The following NRXN2 variants were observed in gnomAD, a reference collection of about 807,000 sequenced individuals.
The protein encoded by NRXN2 is neurexin-2-beta.
In NRXN2, 29 loss-of-function variants were observed where a neutral mutation model predicts 128.8. The observed-to-expected ratio is 0.23, with a 90% CI of 0.17 to 0.31. NRXN2 has a LOEUF of 0.31. NRXN2 is among the 10% of genes least tolerant of loss of function. NRXN2 has a pLI of 1.00. For missense variants in NRXN2, 1,881 were observed against 2,452.6 expected (o/e 0.77, Z 4.92); for synonymous variants, 1,098 against 1,075.2 (o/e 1.02, Z -0.41).
Position 64,667,923 on chromosome 11 carries a change from G to A in NRXN2, c.1360-235C>T, listed in dbSNP as rs778307660. On this transcript the variant is annotated intron_variant, in intron 8 of 22. Transcript: ENST00000265459. The surrounding 1 kb of genome is among the most constrained non-coding windows in gnomAD (Gnocchi z 5.6). ...CTTCTGGCCCAGCAGGAGCATGGTGGCTTGCCTGTGGGTTCTCAGTGCCCA... is the reference window on the plus strand; with the variant it reads ...CTTCTGGCCCAGCAGGAGCATGGTGACTTGCCTGTGGGTTCTCAGTGCCCA... Among the ~76,000 whole-genome samples, 1 of 152,126 alleles carries A rather than the reference G, an allele frequency of 6.6e-6. No individual in the cohort carries two copies. The highest frequency in any genetic ancestry group is 1.5e-5 in the Non-Finnish European group (1 of 68,046).
At chr11:64,659,583 AT>A (rs1341823564) in intron 11 of NRXN2, 1 of 152,620 alleles carries the variant, frequency 6.6e-6, no homozygotes, top group Non-Finnish European at 1.5e-5. Context: ...AAAGCACTGA[AT>A]TTTAAGGCAA....
chr11:64,722,697 T>C, intron 1 of NRXN2, among the ~76,000 whole-genome samples: 1 of 100,464 alleles, frequency 1.0e-5, no homozygotes. Context: ...ATGCCCCTCC[T>C]CTCTCCATCC....
At chr11:64,668,978 G>A (rs1031157467) in intron 7 of NRXN2, among the ~76,000 whole-genome samples, 1 of 152,054 alleles carries the variant, frequency 6.6e-6, no homozygotes, top group Non-Finnish European at 1.5e-5. Flanking sequence ...GGGTGCAAAT[G>A]GCATCCTCAC....
At chr11:64,712,057 A>T (rs951702125) in intron 2 of NRXN2, among the ~76,000 whole-genome samples, 2 of 152,206 alleles carry the variant, frequency 1.3e-5, no homozygotes, top group African/African-American at 2.4e-5. Flanking sequence ...GGACCTTCAA[A>T]GACTGCGACC....
Position 64,630,409 on chromosome 11 carries a change from G to C in NRXN2, c.3750C>G (p.Tyr1250Ter). ...QVDSWPVNER[Y>*]PAGNFDNERL... is the part of the protein sequence containing the mutation. ...CGGGCCCGCGCCGCCTACCTGCCGG[G>C]TACCGCTCGTTGACCGGCCAGCTGT... The change falls in exon 19 of 23, where the codon TAC becomes TAG. Residue 1250 changes from tyrosine to a stop codon, truncating the protein, a stop_gained. Transcript: ENST00000265459. LOFTEE classifies it high-confidence loss of function. This position sits in a 1 kb window ranked among gnomAD's most constrained non-coding sequence, Gnocchi z 4.6. 6.2e-7 allele frequency: 1 copy of C among 1,611,604 alleles called. No individual in the cohort carries two copies. Among genetic ancestry groups the C allele is most frequent in the Non-Finnish European group, 8.5e-7 (1 of 1,179,398 alleles).
intron 2 of NRXN2, among the ~76,000 whole-genome samples, chr11:64,702,131 G>T (rs1384648267): frequency 2.2e-5 from 3 of 135,330 alleles, no homozygotes; most frequent in African/African-American, 8.6e-5. Context: ...AGGTAGGTGG[G>T]GGGGTCAGCC....
intron 2 of NRXN2, among the ~76,000 whole-genome samples, chr11:64,704,598 T>TCACA (rs1200286244): frequency 0.013 from 1,320 of 99,122 alleles, 67 homozygotes; most frequent in East Asian, 0.034. Flanking sequence ...ATTTCCAGGT[T>TCACA]CACACACACA....
intron 2 of NRXN2, among the ~76,000 whole-genome samples, chr11:64,702,672 G>A (rs1354454094): frequency 1.3e-5 from 2 of 151,366 alleles, no homozygotes; most frequent in Non-Finnish European, 2.9e-5. Flanking sequence ...GCGGAAGGCC[G>A]CAGGGTCCTC....
At chr11:64,642,768 C>G in intron 17 of NRXN2, 5 of 1,207,756 alleles carry the variant, frequency 4.1e-6, no homozygotes, top group Non-Finnish European at 5.1e-6. Flanking sequence ...GGGGGCGGCG[C>G]GGGCACCCCC....
At chr11:64,716,187 GA>G (rs2057298644) in intron 1 of NRXN2, among the ~76,000 whole-genome samples, 1 of 152,174 alleles carries the variant, frequency 6.6e-6, no homozygotes, top group Non-Finnish European at 1.5e-5. Context: ...CTATTTTGGG[GA>G]GGGAATTAAT....
intron 5 of NRXN2, among the ~76,000 whole-genome samples, chr11:64,687,486 C>T (rs370775969): frequency 6.6e-6 from 1 of 152,312 alleles, no homozygotes; most frequent in Admixed American, 6.5e-5. Flanking sequence ...TGGCAAGGCC[C>T]GGTTTCCTGA....
At chr11:64,683,871 C>A (rs1173137826) in intron 6 of NRXN2, among the ~76,000 whole-genome samples, 1 of 152,200 alleles carries the variant, frequency 6.6e-6, no homozygotes, top group African/African-American at 2.4e-5. Flanking sequence ...TGTCTACACT[C>A]AGCACTGCTG....
chr11:64,718,363 C>T (rs925699570), intron 1 of NRXN2, among the ~76,000 whole-genome samples: 5 of 152,182 alleles, frequency 3.3e-5, no homozygotes, highest in Admixed American at 6.5e-5. Flanking sequence ...CCTCTCCTCA[C>T]GCCAGCATCC....
rs1218578440 is a variant in NRXN2, at chr11:64,651,374, C to A, written c.2799G>T (p.Thr933=). 3 of 1,614,156 alleles carry A rather than the reference C, an allele frequency of 1.9e-6. No homozygotes were observed. The South Asian group carries it at 3.3e-5, about 18-fold the overall frequency. ...KSRSSYLALA[T]LQAYASMHLF... ...GGTGCATGGAAGCATAGGCTTGGAGCGTGGCGAGTGCCAGGTAGCTGCTGC... is the reference window on the plus strand; with the variant it reads ...GGTGCATGGAAGCATAGGCTTGGAGAGTGGCGAGTGCCAGGTAGCTGCTGC... The change falls in exon 14 of 23, where the codon ACG becomes ACT. Residue 933 remains threonine, a synonymous_variant. Transcript: ENST00000265459. This position sits in a 1 kb window ranked among gnomAD's most constrained non-coding sequence, Gnocchi z 5.9.
chr11:64,632,897 C>T lies in NRXN2; in HGVS notation c.3586-2324G>A, dbSNP rs889306325. Among the ~76,000 whole-genome samples the T allele has an allele frequency of 8.5e-5, 13 of 152,218 alleles. No homozygotes were observed. The highest frequency in any genetic ancestry group is 1.2e-4 in the Non-Finnish European group (8 of 68,016). ...ATTAGAAACGTCAAATTGCTTTTCT[C>T]TTATTTTGCTGCCGCCTCCCCACTC... On this transcript the variant is annotated intron_variant, in intron 18 of 22. Transcript: ENST00000265459. This position sits in a 1 kb window ranked among gnomAD's most constrained non-coding sequence, Gnocchi z 4.2.
chr11:64,647,004 A>T (rs1226742831), intron 17 of NRXN2, among the ~76,000 whole-genome samples: 4 of 152,050 alleles, frequency 2.6e-5, no homozygotes, highest in Non-Finnish European at 5.9e-5. Context: ...AAGAAAAACT[A>T]ACACCACCCA....
At chr11:64,717,565 A>G (rs1032541840) in intron 1 of NRXN2, among the ~76,000 whole-genome samples, 1 of 152,056 alleles carries the variant, frequency 6.6e-6, no homozygotes, top group African/African-American at 2.4e-5. Flanking sequence ...CCCTCTCCCG[A>G]TAACTCAACA....
chr11:64,690,958 G>A (rs1284559813), intron 4 of NRXN2, among the ~76,000 whole-genome samples: 1 of 152,080 alleles, frequency 6.6e-6, no homozygotes, highest in Non-Finnish European at 1.5e-5. Flanking sequence ...AAAGCCTGAC[G>A]CAGACACCCC....
intron 6 of NRXN2, among the ~76,000 whole-genome samples, chr11:64,680,701 G>A (rs1342473599): frequency 6.6e-6 from 1 of 152,162 alleles, no homozygotes; most frequent in Non-Finnish European, 1.5e-5. Context: ...GGGGCTAGTG[G>A]GGAGAGACGT....
Sources: allele counts gnomAD v4.1 joint callset (sites outside exome capture counted in the v4.1 genomes callset), GRCh38; gene constraint gnomAD v4.1.1; non-coding constraint Gnocchi (gnomAD v3.1); transcripts MANE v1.5; gene names NCBI Gene and HGNC (gene_info 2026-07-23, HGNC 2026-07-21).